PRMT8: variants seen among roughly 807,000 people sequenced by gnomAD.
PRMT8 encodes the protein protein arginine methyltransferase 8.
In PRMT8, 7 loss-of-function variants were observed where a neutral mutation model predicts 47.1. The observed-to-expected ratio is 0.15, with a 90% CI of 0.08 to 0.28. The LOEUF (loss-of-function observed/expected upper bound fraction) is 0.28. Among genes scored for constraint, PRMT8 ranks in the 10% least tolerant of loss-of-function variants. The pLI, the probability that PRMT8 is intolerant of heterozygous loss-of-function variation, is 1.00. For missense variants in PRMT8, 237 were observed against 505.4 expected (o/e 0.47, Z 5.09); for synonymous variants, 188 against 186.5 (o/e 1.01, Z -0.07).
intron 4 of PRMT8, among the ~76,000 whole-genome samples, chr12:3,560,520 T>G (rs1030444045): frequency 4.6e-5 from 7 of 152,206 alleles, no homozygotes; most frequent in South Asian, 2.1e-4. Context: ...CCCCATCTGA[T>G]GAGGAAACCA....
intron 1 of PRMT8, among the ~76,000 whole-genome samples, chr12:3,397,611 C>G (rs796612075): frequency 6.6e-6 from 1 of 151,944 alleles, no homozygotes; most frequent in African/African-American, 2.4e-5. Context: ...CTGCTCTCTT[C>G]AAAGCTGTCA....
At chr12:3,525,434 G>A (rs1378191196) in intron 1 of PRMT8, among the ~76,000 whole-genome samples, 2 of 152,110 alleles carry the variant, frequency 1.3e-5, no homozygotes, top group African/African-American at 4.8e-5. Context: ...GAGCACTGAG[G>A]GGATGGCCAT....
chr12:3,395,712 T>C (rs1464012702), intron 1 of PRMT8, among the ~76,000 whole-genome samples: 2 of 149,274 alleles, frequency 1.3e-5, no homozygotes, highest in Admixed American at 1.3e-4. Context: ...GAGAGTTCTG[T>C]AGATGTCTAT....
intron 1 of PRMT8, among the ~76,000 whole-genome samples, chr12:3,465,716 TATAAG>T (rs1177320383): frequency 7.2e-5 from 11 of 152,120 alleles, no homozygotes; most frequent in Admixed American, 5.9e-4. Context: ...AAAACGAACT[TATAAG>T]GTAATTACAT....
rs1221651261 is a variant in PRMT8, at chr12:3,540,810, G to T, written c.261+19G>T. ...CCACGAGGTAAAGTGTCCCGAGTGG[G>T]TGGCTAATGGGGCGAGGCTGACTCT... On this transcript the variant is annotated intron_variant, in intron 2 of 9. Transcript: ENST00000382622. 2.5e-6 allele frequency: 4 copies of T among 1,609,724 alleles called. No homozygotes were observed. Among genetic ancestry groups the T allele is most frequent in the South Asian group, 1.1e-5 (1 of 90,254 alleles).
At chr12:3,414,484 GAGA>G (rs1424630213) in intron 1 of PRMT8, among the ~76,000 whole-genome samples, 1 of 152,160 alleles carries the variant, frequency 6.6e-6, no homozygotes, top group African/African-American at 2.4e-5. Context: ...TACTTTTCTT[GAGA>G]AGGAGCCTGC....
chr12:3,578,643 T>A (rs1866995385), intron 7 of PRMT8, among the ~76,000 whole-genome samples: 1 of 152,108 alleles, frequency 6.6e-6, no homozygotes, highest in Non-Finnish European at 1.5e-5. Flanking sequence ...GGTACTGGAC[T>A]GGAATATTTA....
At chr12:3,447,561 T>A (rs997527883) in intron 1 of PRMT8, among the ~76,000 whole-genome samples, 1 of 152,126 alleles carries the variant, frequency 6.6e-6, no homozygotes, top group Non-Finnish European at 1.5e-5. Flanking sequence ...CATCTCTTTC[T>A]CAGGAAGCCT....
intron 1 of PRMT8, among the ~76,000 whole-genome samples, chr12:3,529,298 T>G (rs1865992325): frequency 6.6e-6 from 1 of 152,226 alleles, no homozygotes; most frequent in Non-Finnish European, 1.5e-5. Context: ...CTCATTTATT[T>G]GTCATCTCTC....
chr12:3,557,855 C>T lies in PRMT8; in HGVS notation c.481+4141C>T, dbSNP rs1361410912. ...TGTGGGCACAGCAGGATCAGATGTC[C>T]TCTCAGTGGTCCTGAGTCTCATCCC... is the stretch of plus-strand genomic sequence containing the variant. On this transcript the variant is annotated intron_variant, in intron 4 of 9. Coordinates refer to ENST00000382622, the MANE Select transcript of PRMT8 (RefSeq NM_019854.5). The surrounding 1 kb of genome is among the most constrained non-coding windows in gnomAD (Gnocchi z 4.7). 1.3e-5 allele frequency among the ~76,000 whole-genome samples: 2 copies of T among 152,044 alleles called. No homozygotes were observed. Among genetic ancestry groups the T allele is most frequent in the African/African-American group, 2.4e-5 (1 of 41,392 alleles).
chr12:3,442,979 A>G (rs558617799), intron 1 of PRMT8, among the ~76,000 whole-genome samples: 69 of 152,300 alleles, frequency 4.5e-4, no homozygotes, highest in African/African-American at 1.6e-3. Context: ...TTCTATGTCC[A>G]TATCTATTAA....
chr12:3,563,228 C>G (rs921587747), intron 4 of PRMT8, among the ~76,000 whole-genome samples: 9 of 152,140 alleles, frequency 5.9e-5, no homozygotes, highest in Admixed American at 5.9e-4. Flanking sequence ...TCTGGCAAAG[C>G]TAGCAGGGCT....
At chr12:3,395,088 T>A (rs1319704390) in intron 1 of PRMT8, among the ~76,000 whole-genome samples, 8 of 150,568 alleles carry the variant, frequency 5.3e-5, no homozygotes, top group Non-Finnish European at 8.9e-5. Context: ...TGCGTCTATT[T>A]GATTCTTCTC....
Position 3,576,359 on chromosome 12 carries a change from G to A in PRMT8, c.713-512G>A, listed in dbSNP as rs780675492. Among the ~76,000 whole-genome samples the A allele has an allele frequency of 2.6e-5, 4 of 152,220 alleles. No individual in the cohort carries two copies. The highest frequency in any genetic ancestry group is 5.9e-5 in the Non-Finnish European group (4 of 68,042). On this transcript the variant is annotated intron_variant, in intron 6 of 9. Transcript: ENST00000382622. This position sits in a 1 kb window ranked among gnomAD's most constrained non-coding sequence, Gnocchi z 4.0. The stretch of plus-strand genomic sequence containing the variant: ...GAATTTAAACTGTAGTTGATTTCAC[G>A]TTAAAAGCCCATGATTCTCTGTGCT...
At chr12:3,396,576 A>ACTCTTCT (rs1565397723) in intron 1 of PRMT8, among the ~76,000 whole-genome samples, 2 of 152,230 alleles carry the variant, frequency 1.3e-5, no homozygotes, top group Non-Finnish European at 2.9e-5. Flanking sequence ...TTCTGCCGAA[A>ACTCTTCT]GATCCACTGT....
At chr12:3,483,893 G>A (rs960488655) in intron 1 of PRMT8, among the ~76,000 whole-genome samples, 1 of 152,088 alleles carries the variant, frequency 6.6e-6, no homozygotes, top group Non-Finnish European at 1.5e-5. Context: ...GAAATTCATT[G>A]ACTTCCCCAT....
chr12:3,429,022 C>T (rs919022768), intron 1 of PRMT8, among the ~76,000 whole-genome samples: 3 of 152,126 alleles, frequency 2.0e-5, no homozygotes, highest in Non-Finnish European at 4.4e-5. Context: ...CTGACTCTCT[C>T]TCTCTCTATC....
At chr12:3,577,232 G>A (rs1419124153) in intron 7 of PRMT8, among the ~76,000 whole-genome samples, 2 of 152,244 alleles carry the variant, frequency 1.3e-5, no homozygotes, top group African/African-American at 4.8e-5. Context: ...CTGGTGGCGT[G>A]CAGAAGGGTG....
At chr12:3,420,591 C>T (rs1241281911) in intron 1 of PRMT8, among the ~76,000 whole-genome samples, 1 of 152,176 alleles carries the variant, frequency 6.6e-6, no homozygotes, top group East Asian at 1.9e-4. Flanking sequence ...AAGGTGCAGG[C>T]CCCACTGAGA....
Sources: allele counts gnomAD v4.1 joint callset (sites outside exome capture counted in the v4.1 genomes callset), GRCh38; gene constraint gnomAD v4.1.1; non-coding constraint Gnocchi (gnomAD v3.1); transcripts MANE v1.5; gene names NCBI Gene and HGNC (gene_info 2026-07-23, HGNC 2026-07-21).